The following PPFIBP2 variants were observed in gnomAD, a reference collection of about 807,000 sequenced individuals.
PPFIBP2 encodes the protein PPFIB scaffold protein 2.
Under a neutral mutation model 118.3 loss-of-function variants are expected in PPFIBP2, and 118 were observed. The ratio of observed to expected loss-of-function variants is 1.00; its 90% confidence interval spans 0.86 to 1.16. The LOEUF (loss-of-function observed/expected upper bound fraction) is 1.16. Among genes scored for constraint, PPFIBP2 ranks in the 50% most tolerant of loss-of-function variants. PPFIBP2 has a pLI of 0.00. For synonymous variants in PPFIBP2, 414 were observed against 397.4 expected, an observed-to-expected ratio of 1.04 and a Z score of -0.50; for missense variants, 1,195 against 1,073.1, an observed-to-expected ratio of 1.11 and a Z score of -1.59.
intron 6 of PPFIBP2, among the ~76,000 whole-genome samples, chr11:7,611,032 C>G (rs1388829874): frequency 2.0e-5 from 3 of 152,344 alleles, no homozygotes; most frequent in East Asian, 3.9e-4. Flanking sequence ...CCTTTGAGAG[C>G]AGGCAGCCTG....
At chr11:7,541,230 C>T (rs987305366) in intron 1 of PPFIBP2, among the ~76,000 whole-genome samples, 2 of 152,296 alleles carry the variant, frequency 1.3e-5, no homozygotes, top group Admixed American at 6.5e-5. Flanking sequence ...TTGATTAGTT[C>T]TCAGGGTGGT....
At chr11:7,587,571 G>A (rs1316217022) in intron 3 of PPFIBP2, among the ~76,000 whole-genome samples, 1 of 152,210 alleles carries the variant, frequency 6.6e-6, no homozygotes, top group Non-Finnish European at 1.5e-5. Flanking sequence ...CTGCCTTTAG[G>A]CAGCGTGCAC....
chr11:7,554,769 A>C (rs1400452905), intron 2 of PPFIBP2, among the ~76,000 whole-genome samples: 1 of 141,092 alleles, frequency 7.1e-6, no homozygotes, highest in Non-Finnish European at 1.5e-5. Flanking sequence ...TGAAATCTGA[A>C]TGGCTGAATC....
chr11:7,572,905 G>A (rs886640391), intron 3 of PPFIBP2, among the ~76,000 whole-genome samples: 2 of 152,128 alleles, frequency 1.3e-5, no homozygotes, highest in Non-Finnish European at 2.9e-5. Context: ...CCAGCCTCCC[G>A]ATTAGCTGGG....
intron 1 of PPFIBP2, among the ~76,000 whole-genome samples, chr11:7,532,288 C>T (rs926767061): frequency 6.6e-6 from 1 of 152,172 alleles, no homozygotes; most frequent in African/African-American, 2.4e-5. Context: ...ATGTAATTAC[C>T]TCTTTCAAGA....
At chr11:7,514,398 C>T (rs1416765425) in intron 1 of PPFIBP2, among the ~76,000 whole-genome samples, 2 of 152,224 alleles carry the variant, frequency 1.3e-5, no homozygotes, top group Non-Finnish European at 2.9e-5. Flanking sequence ...GTCCGCACTC[C>T]TGCAGGTGCC....
At position 7,618,312 on chromosome 11, in the gene PPFIBP2, A is replaced by T. The variant is rs116714156; in HGVS notation, c.619-2623A>T. ...CTCCAGCAAGACTTTTAAAGGAAGG[A>T]AAAACGTGTGTGTACTAATGTTGGT... On this transcript the variant is annotated intron_variant, in intron 6 of 23. Transcript: ENST00000299492. Among the ~76,000 whole-genome samples the T allele has an allele frequency of 5.7e-3, 869 of 152,334 alleles. 5 individuals are homozygous for T. The highest frequency in any genetic ancestry group is 0.02 in the African/African-American group (811 of 41,576).
intron 5 of PPFIBP2, among the ~76,000 whole-genome samples, chr11:7,606,682 T>C (rs1847379294): frequency 6.6e-6 from 1 of 152,178 alleles, no homozygotes; most frequent in Admixed American, 6.5e-5. Flanking sequence ...CCAATTGGAA[T>C]GGCTGTTGGA....
chr11:7,529,071 G>C (rs1417773639), intron 1 of PPFIBP2, among the ~76,000 whole-genome samples: 2 of 152,032 alleles, frequency 1.3e-5, no homozygotes, highest in Non-Finnish European at 2.9e-5. Flanking sequence ...AGTAACCACT[G>C]AGAAGACAGA....
chr11:7,578,184 G>A (rs1856736766), intron 3 of PPFIBP2, among the ~76,000 whole-genome samples: 2 of 152,222 alleles, frequency 1.3e-5, no homozygotes, highest in Non-Finnish European at 1.5e-5. Context: ...CCTTTCTTTA[G>A]AGGATAAACC....
At chr11:7,652,748 T>G (rs1275570266) in intron 23 of PPFIBP2, among the ~76,000 whole-genome samples, 1 of 152,198 alleles carries the variant, frequency 6.6e-6, no homozygotes, top group Non-Finnish European at 1.5e-5. Context: ...AGTTCATCTA[T>G]GGAAATAAGA....
chr11:7,526,213 G>T (rs548664789), intron 1 of PPFIBP2, among the ~76,000 whole-genome samples: 1 of 152,192 alleles, frequency 6.6e-6, no homozygotes, highest in Non-Finnish European at 1.5e-5. Flanking sequence ...CTAAAGTGCT[G>T]TAAGATTTTG....
chr11:7,625,794 G>A lies in PPFIBP2; in HGVS notation c.729G>A (p.Leu243=). ...TCTTCCAGGCTGAAGTCGCCCAGCT[G>A]CAAGAACAGGTGGCCCTGAAAGATG... ...LKATKAEVAQ[L]QEQVALKDAE... The change falls in exon 8 of 24, where the codon CTG becomes CTA. Residue 243 remains leucine (L), a synonymous_variant. Coordinates refer to ENST00000299492, the MANE Select transcript of PPFIBP2 (RefSeq NM_003621.5). 6.2e-7 allele frequency: 1 copy of A among 1,614,206 alleles called. No homozygotes were observed. Among genetic ancestry groups the A allele is most frequent in the Non-Finnish European group, 8.5e-7 (1 of 1,180,018 alleles).
At chr11:7,666,151 G>A in the PPFIBP2 span, 1 of 602,412 alleles carries the variant, frequency 1.7e-6, no homozygotes. Flanking sequence ...TGTATGTGAT[G>A]GCTGTGTGGA....
chr11:7,568,772 CAA>C (rs1307725125), intron 3 of PPFIBP2: 2 of 152,216 alleles, frequency 1.3e-5, no homozygotes, highest in African/African-American at 4.8e-5. Context: ...TTTTTAAACT[CAA>C]GTTTCTAAGG....
chr11:7,660,902 C>T (rs1190619075), downstream of PPFIBP2, among the ~76,000 whole-genome samples: 1 of 151,854 alleles, frequency 6.6e-6, no homozygotes. Flanking sequence ...AGGAATTTAT[C>T]CATTTCTTCT....
chr11:7,589,389 T>G (rs1339915737), intron 3 of PPFIBP2, among the ~76,000 whole-genome samples: 1 of 152,000 alleles, frequency 6.6e-6, no homozygotes, highest in Non-Finnish European at 1.5e-5. Context: ...GTCAAGAGAT[T>G]GAGACTATCC....
the PPFIBP2 span, chr11:7,666,583 C>G: frequency 2.0e-6 from 3 of 1,506,588 alleles, no homozygotes; most frequent in South Asian, 2.3e-5. Context: ...AAAGCCCCTC[C>G]AGGGCCATCC....
chr11:7,609,833 G>A (rs1320308925), intron 5 of PPFIBP2, among the ~76,000 whole-genome samples: 2 of 152,274 alleles, frequency 1.3e-5, no homozygotes, highest in Non-Finnish European at 2.9e-5. Context: ...TTGCAGTGAA[G>A]TCTTGTATTG....
Sources: gnomAD v4.1 joint callset for allele counts (sites outside exome capture counted in the v4.1 genomes callset) on GRCh38, gnomAD v4.1.1 for gene constraint, MANE v1.5 for transcripts, NCBI Gene and HGNC (gene_info 2026-07-23, HGNC 2026-07-21) for gene names.